The following PEAK1 variants were observed in gnomAD, a reference collection of about 807,000 sequenced individuals.
The protein encoded by PEAK1 is inactive tyrosine-protein kinase PEAK1.
A neutral mutation model predicts 124.7 loss-of-function variants in PEAK1; 54 were observed. That is an observed-to-expected ratio of 0.43 (90% CI 0.35 to 0.54). The LOEUF (loss-of-function observed/expected upper bound fraction) is 0.54, where lower values mean the gene tolerates loss of function less well. PEAK1 is among the 20% of genes least tolerant of loss of function. PEAK1 has a pLI of 0.01. For synonymous variants in PEAK1, 719 were observed against 760.0 expected (o/e 0.95, Z 0.89); for missense variants, 2,046 against 2,134.5 (o/e 0.96, Z 0.82).
chr15:77,337,786 T>C, intron 2 of PEAK1: 1 of 985,292 alleles, frequency 1.0e-6, no homozygotes, highest in Non-Finnish European at 1.2e-6. Flanking sequence ...CATTTTATAC[T>C]TGAGGAAGAC....
intron 1 of PEAK1, chr15:77,419,024 C>G (rs12593582): frequency 0.99 from 971,587 of 985,352 alleles, 480,362 homozygotes; most frequent in East Asian, 1. Context: ...GAAAAAAAAT[C>G]AATTAGGTTT....
At chr15:77,402,550 T>A (rs2071461504) in intron 1 of PEAK1, 1 of 973,874 alleles carries the variant, frequency 1.0e-6, no homozygotes, top group South Asian at 4.7e-5. Flanking sequence ...AAATCAAGTT[T>A]AATCTGATTA....
chr15:77,362,422 A>G (rs572485179), intron 2 of PEAK1, among the ~76,000 whole-genome samples: 3 of 152,326 alleles, frequency 2.0e-5, no homozygotes, highest in Admixed American at 1.3e-4. Context: ...ATAAGTCACT[A>G]GGGAAATACA....
chr15:77,311,433 T>C (rs1372591161), intron 2 of PEAK1, among the ~76,000 whole-genome samples: 2 of 152,148 alleles, frequency 1.3e-5, no homozygotes, highest in Non-Finnish European at 2.9e-5. Flanking sequence ...CCCAACACTT[T>C]GCGAGGCAGA....
chr15:77,270,835 C>T (rs531469648), intron 5 of PEAK1, among the ~76,000 whole-genome samples: 17 of 152,140 alleles, frequency 1.1e-4, no homozygotes, highest in African/African-American at 3.9e-4. Context: ...TTGTTTGTGT[C>T]CTCTTTTATT....
chr15:77,307,599 A>G (rs950688528), intron 2 of PEAK1, among the ~76,000 whole-genome samples: 8 of 151,946 alleles, frequency 5.3e-5, no homozygotes, highest in African/African-American at 1.9e-4. Flanking sequence ...TATGCTAACT[A>G]CCTCCTCTAG....
chr15:77,202,448 G>A (rs191605321), intron 6 of PEAK1, among the ~76,000 whole-genome samples: 94 of 152,104 alleles, frequency 6.2e-4, no homozygotes, highest in African/African-American at 2.0e-3. Flanking sequence ...GTAAACTAGA[G>A]AAAGGAAAAT....
In PEAK1 at chr15:77,180,883, T is replaced by C. The variant is rs372882616; in HGVS notation, c.1044A>G (p.Leu348=). The change falls in exon 7 of 10, where the codon TTA becomes TTG. Residue 348 remains leucine (L), a synonymous_variant. Coordinates refer to ENST00000682557, the MANE Select transcript of PEAK1 (RefSeq NM_001385026.1). ...SSDSTSPDSS[L]TEESRSETAS... ...CTGTCTCAGAACGTGATTCTTCTGTTAAAGAAGAATCTGGTGATGTGGAGT... is the reference window on the plus strand; with the variant it reads ...CTGTCTCAGAACGTGATTCTTCTGTCAAAGAAGAATCTGGTGATGTGGAGT... 10 of 1,613,742 alleles carry C rather than the reference T, an allele frequency of 6.2e-6. No individual in the cohort carries two copies. Among genetic ancestry groups the C allele is most frequent in the Non-Finnish European group, 8.5e-6 (10 of 1,179,862 alleles).
At chr15:77,271,326 G>C (rs1273633171) in intron 5 of PEAK1, among the ~76,000 whole-genome samples, 1 of 152,208 alleles carries the variant, frequency 6.6e-6, no homozygotes, top group African/African-American at 2.4e-5. Context: ...CTTTTACACT[G>C]TTGGTGGGAC....
intron 6 of PEAK1, among the ~76,000 whole-genome samples, chr15:77,248,444 C>A (rs1363565265): frequency 6.6e-6 from 1 of 152,154 alleles, no homozygotes; most frequent in East Asian, 1.9e-4. Flanking sequence ...GAAACCTAAT[C>A]CCCAATGTGT....
chr15:77,127,402 T>C (rs1351728140), intron 9 of PEAK1, among the ~76,000 whole-genome samples: 3 of 152,124 alleles, frequency 2.0e-5, no homozygotes, highest in Admixed American at 6.6e-5. Flanking sequence ...AGAAGCAGCT[T>C]TGGAATTGGG....
intron 5 of PEAK1, among the ~76,000 whole-genome samples, chr15:77,257,883 C>T (rs2061242598): frequency 1.3e-5 from 2 of 152,300 alleles, no homozygotes; most frequent in South Asian, 4.1e-4. Context: ...AGTCTTTAAT[C>T]CATCTTGAAT....
chr15:77,174,602 T>C (rs966327403), intron 7 of PEAK1, among the ~76,000 whole-genome samples: 1 of 152,236 alleles, frequency 6.6e-6, no homozygotes, highest in African/African-American at 2.4e-5. Flanking sequence ...ACTGAATACC[T>C]CTTTTTCTAC....
At chr15:77,185,945 C>G (rs1481370292) in intron 6 of PEAK1, among the ~76,000 whole-genome samples, 1 of 152,158 alleles carries the variant, frequency 6.6e-6, no homozygotes, top group African/African-American at 2.4e-5. Context: ...TAAGGACACA[C>G]AGTAAATAAG....
Position 77,239,829 on chromosome 15 carries a change from C to T in PEAK1, c.-115+12538G>A, listed in dbSNP as rs534130173. 78 of 984,964 alleles carry T rather than the reference C, an allele frequency of 7.9e-5. No individual in the cohort carries two copies. In the African/African-American group the frequency reaches 1.3e-3, roughly 16 times the overall value. 61.0% of individuals were successfully genotyped at this position (984,964 alleles called of 1,614,324 possible). On this transcript the variant is annotated intron_variant, in intron 6 of 9. Coordinates refer to ENST00000682557, the MANE Select transcript of PEAK1 (RefSeq NM_001385026.1). ...TTCTTTCAATGCATCTTTCAAAGAC[C>T]ACTCTCTAGGAAATCACACAACTGC... is the stretch of plus-strand genomic sequence containing the variant.
At chr15:77,160,368 T>C (rs2055524728) in intron 7 of PEAK1, among the ~76,000 whole-genome samples, 1 of 152,128 alleles carries the variant, frequency 6.6e-6, no homozygotes, top group East Asian at 1.9e-4. Context: ...GCAATAAATA[T>C]AAAGTCCCTT....
intron 2 of PEAK1, among the ~76,000 whole-genome samples, chr15:77,323,428 A>T (rs1342233309): frequency 6.6e-6 from 1 of 152,250 alleles, no homozygotes; most frequent in Non-Finnish European, 1.5e-5. Flanking sequence ...AGGCAACTTC[A>T]GCAAAGTCTC....
intron 6 of PEAK1, among the ~76,000 whole-genome samples, chr15:77,220,531 A>AC (rs991278908): frequency 1.3e-5 from 2 of 151,770 alleles, no homozygotes; most frequent in Non-Finnish European, 2.9e-5. Flanking sequence ...AAAAAAAAAA[A>AC]AAAAAACGGT....
chr15:77,269,132 T>C (rs1247157273), intron 5 of PEAK1, among the ~76,000 whole-genome samples: 1 of 150,510 alleles, frequency 6.6e-6, no homozygotes, highest in Non-Finnish European at 1.5e-5. Context: ...ATTCAGGCAA[T>C]ATATAGAACG....
Sources: gnomAD v4.1 joint callset for allele counts (sites outside exome capture counted in the v4.1 genomes callset) on GRCh38, gnomAD v4.1.1 for gene constraint, MANE v1.5 for transcripts, NCBI Gene and HGNC (gene_info 2026-07-23, HGNC 2026-07-21) for gene names.